Variants in PUM2 observed in about 807,000 individuals in gnomAD.
The protein encoded by PUM2 is pumilio homolog 2.
PUM2 carries 57 observed loss-of-function variants against 124.5 expected under a neutral mutation model. The observed-to-expected ratio is 0.46, with a 90% CI of 0.37 to 0.57. PUM2 has a LOEUF of 0.57. Ranked by LOEUF, PUM2 falls within the 20% of genes least tolerant of loss-of-function variation. PUM2 has a pLI of 0.00. For missense variants in PUM2, 1,065 were observed against 1,290.6 expected (o/e 0.83, Z 2.68); for synonymous variants, 460 against 446.1 (o/e 1.03, Z -0.39).
intron 13 of PUM2, among the ~76,000 whole-genome samples, chr2:20,266,489 C>CAA (rs75589275): frequency 0.012 from 1,525 of 128,744 alleles, 25 homozygotes; most frequent in African/African-American, 0.041. Context: ...ACCCCCCCAC[C>CAA]AAAAAAAAAA....
chr2:20,261,272 G>A (rs1359092171), intron 14 of PUM2, among the ~76,000 whole-genome samples: 1 of 151,176 alleles, frequency 6.6e-6, no homozygotes, highest in Non-Finnish European at 1.5e-5. Context: ...ACGCCTGTAA[G>A]CCCAGCTACT....
intron 19 of PUM2, 30 bp downstream of exon 19, chr2:20,254,833 G>A (rs1304524539): frequency 6.2e-7 from 1 of 1,602,310 alleles, no homozygotes; most frequent in Admixed American, 1.7e-5. Flanking sequence ...TGAAAGAATT[G>A]ACCCTTAAAA....
Position 20,308,464 on chromosome 2 carries a change from A to C in PUM2, c.639T>G (p.Val213=). 6.2e-7 allele frequency: 1 copy of C among 1,614,124 alleles called. No individual in the cohort carries two copies. The highest frequency in any genetic ancestry group is 1.1e-5 in the South Asian group (1 of 91,076). Residue 213 remains valine, a synonymous_variant, in exon 6 of 21, where the codon GTT becomes GTG. Transcript: ENST00000361078. ...GAGTTTCAGGATTTGAAAATTCTTC[A>C]ACAAGTGGTTTATTAGCTGTAGGAT... is the stretch of plus-strand genomic sequence containing the variant. ...LPNPTANKPL[V]EEFSNPETQN...
At position 20,325,645 on chromosome 2, in the gene PUM2, G is replaced by A. The variant is rs867150230; in HGVS notation, c.51+1665C>T. On this transcript the variant is annotated intron_variant, in intron 2 of 20. Coordinates refer to ENST00000361078, the MANE Select transcript of PUM2 (RefSeq NM_015317.5). Reference sequence around the variant, plus strand: ...TGTTCTTTTTTTTTTTTTTTGAGACGGAGTCTCGGTTTGTCCCCCAGGCCA... The same window carrying A: ...TGTTCTTTTTTTTTTTTTTTGAGACAGAGTCTCGGTTTGTCCCCCAGGCCA... Among the ~76,000 whole-genome samples the A allele has an allele frequency of 5.1e-4, 73 of 144,358 alleles. No individual in the cohort carries two copies. In the Middle Eastern group the frequency reaches 0.032, roughly 63 times the overall value. 94.7% of individuals were successfully genotyped at this position (144,358 alleles called of 152,430 possible). A position where few individuals can be genotyped will look rare whatever the true frequency, so the allele number is the denominator to read the frequency against.
chr2:20,314,071 G>A (rs1002708574), intron 3 of PUM2, among the ~76,000 whole-genome samples: 8 of 151,980 alleles, frequency 5.3e-5, no homozygotes, highest in Admixed American at 4.6e-4. Context: ...ACCTGAGCCC[G>A]GGAGGTCAAG....
In PUM2 at chr2:20,283,350, T is replaced by C. The variant is rs1048142558; in HGVS notation, c.1428A>G (p.Ala476=). 2 of 1,614,076 alleles carry C rather than the reference T, an allele frequency of 1.2e-6. No individual in the cohort carries two copies. Among genetic ancestry groups the C allele is most frequent in the Non-Finnish European group, 1.7e-6 (2 of 1,180,000 alleles). The change falls in exon 11 of 21, where the codon GCA becomes GCG. Residue 476 remains alanine (A), a synonymous_variant. Coordinates refer to ENST00000361078, the MANE Select transcript of PUM2 (RefSeq NM_015317.5). Reference sequence around the variant, plus strand: ...AATGTCAGTTACACTTACCAGCTTGTGCTGCTGCTGAACTAATTAAAACAG... The same window carrying C: ...AATGTCAGTTACACTTACCAGCTTGCGCTGCTGCTGAACTAATTAAAACAG... ...PTPVLISSAA[A]QAAAAAAAGG...
upstream of PUM2, chr2:20,352,246 C>T (rs1329627891): frequency 6.6e-6 from 1 of 152,234 alleles, no homozygotes; most frequent in African/African-American, 2.4e-5. Context: ...GCCTTGCTTC[C>T]CAGGTCTGGA....
At chr2:20,324,784 G>C (rs1197118673) in intron 2 of PUM2, among the ~76,000 whole-genome samples, 1 of 152,108 alleles carries the variant, frequency 6.6e-6, no homozygotes, top group Non-Finnish European at 1.5e-5. Flanking sequence ...AAGACATCAT[G>C]ATCTACAAAA....
Position 20,323,848 on chromosome 2 carries a change from A to T in PUM2, c.51+3462T>A, listed in dbSNP as rs189857415. ...TACCATAAAAGAGTTCTTTTCAATCATATTTTAATTCATCATGATTTCTGA... is the reference window on the plus strand; with the variant it reads ...TACCATAAAAGAGTTCTTTTCAATCTTATTTTAATTCATCATGATTTCTGA... On this transcript the variant is annotated intron_variant, in intron 2 of 20. Transcript: ENST00000361078. Among the ~76,000 whole-genome samples, 5 of 144,442 alleles carry T rather than the reference A, an allele frequency of 3.5e-5. No individual in the cohort carries two copies. The East Asian group carries it at 1.1e-3, about 31-fold the overall frequency. The allele number at this position is 144,442 out of a possible 152,430, so 94.8% of individuals were successfully genotyped here. A position where few individuals can be genotyped will look rare whatever the true frequency, so the allele number is the denominator to read the frequency against.
intron 1 of PUM2, chr2:20,331,886 CAT>C (rs1684996015): frequency 6.6e-6 from 1 of 152,154 alleles, no homozygotes; most frequent in African/African-American, 2.4e-5. Context: ...CTTTGCAGGC[CAT>C]ATGATCTCTG....
intron 7 of PUM2, among the ~76,000 whole-genome samples, chr2:20,298,651 C>T (rs1185037656): frequency 1.3e-5 from 2 of 152,052 alleles, no homozygotes; most frequent in South Asian, 2.1e-4. Flanking sequence ...GGTGGAATAC[C>T]TGAGGTCAGG....
chr2:20,299,529 G>A (rs1224284985), intron 7 of PUM2, among the ~76,000 whole-genome samples: 1 of 152,028 alleles, frequency 6.6e-6, no homozygotes, highest in Non-Finnish European at 1.5e-5. Flanking sequence ...TTAGCTGGGT[G>A]TGGTAGCACA....
At chr2:20,261,481 T>C (rs1431525701) in intron 14 of PUM2, among the ~76,000 whole-genome samples, 5 of 150,110 alleles carry the variant, frequency 3.3e-5, no homozygotes, top group African/African-American at 1.2e-4. Context: ...TACTGGTTTG[T>C]GTATTTAGTA....
Position 20,350,749 on chromosome 2 carries a change from C to T in PUM2, c.-171G>A. ...CCCTCCCCCCCCACCCCACCTCCTC[C>T]TTCTCCTCCCCCTCCTCCTCCGAAC... On this transcript the variant is annotated 5_prime_UTR_variant, in exon 1 of 21. Coordinates refer to ENST00000361078, the MANE Select transcript of PUM2 (RefSeq NM_015317.5). The T allele has an allele frequency of 2.1e-6, 2 of 967,426 alleles. No homozygotes were observed. The highest frequency in any genetic ancestry group is 2.4e-6 in the Non-Finnish European group (2 of 819,130). The allele number at this position is 967,426 out of a possible 1,614,324, so 59.9% of individuals were successfully genotyped here.
At chr2:20,255,382 A>ATT in intron 17 of PUM2, 41 bp from the exon 18 acceptor site, 1 of 1,581,674 alleles carries the variant, frequency 6.3e-7, no homozygotes, top group East Asian at 2.3e-5. Flanking sequence ...ATTCTCTGAC[A>ATT]TTTTTGAACA....
chr2:20,344,378 G>A (rs986306150), intron 1 of PUM2, among the ~76,000 whole-genome samples: 1 of 152,126 alleles, frequency 6.6e-6, no homozygotes, highest in Non-Finnish European at 1.5e-5. Context: ...AGTTCCTCAA[G>A]GAAAAGTCAA....
chr2:20,279,819 C>A (rs929048596), intron 12 of PUM2, among the ~76,000 whole-genome samples: 1 of 152,086 alleles, frequency 6.6e-6, no homozygotes, highest in Admixed American at 6.6e-5. Flanking sequence ...AAGGGCTGTC[C>A]AAACTCTCAG....
intron 10 of PUM2, among the ~76,000 whole-genome samples, chr2:20,288,223 A>T (rs1385401981): frequency 6.6e-6 from 1 of 152,222 alleles, no homozygotes; most frequent in Non-Finnish European, 1.5e-5. Context: ...ATTTAAGGAT[A>T]TACATAGAGG....
intron 1 of PUM2, among the ~76,000 whole-genome samples, chr2:20,329,197 A>C (rs569660975): frequency 1.0e-3 from 156 of 151,372 alleles, no homozygotes; most frequent in Non-Finnish European, 1.7e-3. Flanking sequence ...AAAAAAGATA[A>C]GATCTAATGT....
Sources: allele counts gnomAD v4.1 joint callset (sites outside exome capture counted in the v4.1 genomes callset), GRCh38; gene constraint gnomAD v4.1.1; transcripts MANE v1.5; gene names NCBI Gene and HGNC (gene_info 2026-07-23, HGNC 2026-07-21).